The following DGKD variants were observed in gnomAD, a reference collection of about 807,000 sequenced individuals.
DGKD encodes DAG kinase delta.
DGKD carries 68 observed loss-of-function variants against 154.4 expected under a neutral mutation model. The ratio of observed to expected loss-of-function variants is 0.44; its 90% confidence interval spans 0.36 to 0.54. DGKD has a LOEUF of 0.54. Ranked by LOEUF, DGKD falls within the 20% of genes least tolerant of loss-of-function variation. The pLI, the probability that DGKD is intolerant of heterozygous loss-of-function variation, is 0.00. For synonymous variants in DGKD, 693 were observed against 638.0 expected, an observed-to-expected ratio of 1.09 and a Z score of -1.30; for missense variants, 1,343 against 1,593.6, an observed-to-expected ratio of 0.84 and a Z score of 2.68.
intron 3 of DGKD, among the ~76,000 whole-genome samples, chr2:233,430,365 A>G (rs1410915816): frequency 5.9e-5 from 9 of 152,236 alleles, no homozygotes; most frequent in African/African-American, 2.2e-4. Context: ...TGAGTCCTAT[A>G]CAGTGGAGTA....
At chr2:233,443,078 C>T (rs983185899) in intron 10 of DGKD, among the ~76,000 whole-genome samples, 1 of 152,122 alleles carries the variant, frequency 6.6e-6, no homozygotes, top group Non-Finnish European at 1.5e-5. Flanking sequence ...CTGAGCGCAC[C>T]CAAGCTTAAG....
chr2:233,464,597 C>G (rs1365609881), intron 27 of DGKD, among the ~76,000 whole-genome samples: 1 of 152,206 alleles, frequency 6.6e-6, no homozygotes, highest in Non-Finnish European at 1.5e-5. Context: ...CAGCCTCCCC[C>G]GAGGGTGGAG....
intron 7 of DGKD, among the ~76,000 whole-genome samples, chr2:233,437,118 A>G (rs1281495829): frequency 6.6e-6 from 1 of 152,206 alleles, no homozygotes; most frequent in Non-Finnish European, 1.5e-5. Context: ...GGTTGGGTAC[A>G]GGACTGTAGC....
chr2:233,463,422 C>T (rs1199341946), intron 26 of DGKD, among the ~76,000 whole-genome samples: 1 of 141,390 alleles, frequency 7.1e-6, no homozygotes, highest in Non-Finnish European at 1.5e-5. Context: ...TCTCCTCACT[C>T]CACGCATCTC....
At position 233,434,396 on chromosome 2, in the gene DGKD, G is replaced by C. The variant is rs781381899; in HGVS notation, c.365G>C (p.Arg122Thr). The C allele has an allele frequency of 3.1e-6, 5 of 1,613,976 alleles. No individual in the cohort carries two copies. Residue 122 changes from arginine to threonine, a missense_variant, in exon 4 of 30, where the codon AGG (arginine) becomes ACG (threonine). By Grantham distance (71) the Arg-to-Thr change is moderately conservative. Coordinates refer to ENST00000264057, the MANE Select transcript of DGKD (RefSeq NM_152879.3). ...TTTCTCTAGGTCATAACTCCATGCA[G>C]GAAGCTCATCTTGTGTGCTGATAAC... ...NNSFTVITPC[R>T]KLILCADNRK...
chr2:233,411,885 T>C (rs1267276859), intron 3 of DGKD, among the ~76,000 whole-genome samples: 1 of 152,238 alleles, frequency 6.6e-6, no homozygotes, highest in East Asian at 1.9e-4. Context: ...CCATTCCTCA[T>C]TTAATTACCT....
chr2:233,390,836 C>T (rs1226102817), intron 3 of DGKD, among the ~76,000 whole-genome samples: 4 of 152,156 alleles, frequency 2.6e-5, no homozygotes, highest in South Asian at 2.1e-4. Context: ...CGAGTTCAAG[C>T]GATTCTCCTG....
intron 3 of DGKD, among the ~76,000 whole-genome samples, chr2:233,408,044 G>GTTT (rs1293793281): frequency 5.5e-5 from 7 of 127,684 alleles, no homozygotes; most frequent in South Asian, 2.6e-4. Context: ...AGGAAAAACT[G>GTTT]TTTTTTTTTT....
At chr2:233,463,832 A>G (rs1309885005) in intron 26 of DGKD, 3 of 322,404 alleles carry the variant, frequency 9.3e-6, no homozygotes, top group Non-Finnish European at 1.8e-5. Flanking sequence ...TCGACTGCTG[A>G]CTTTGCTTCC....
intron 10 of DGKD, among the ~76,000 whole-genome samples, chr2:233,444,677 C>T (rs1042802670): frequency 2.7e-5 from 4 of 148,010 alleles, no homozygotes; most frequent in Non-Finnish European, 6.0e-5. Flanking sequence ...GTGTCCTGGC[C>T]TGCTCGCTCC....
intron 10 of DGKD, among the ~76,000 whole-genome samples, chr2:233,442,983 C>G (rs1034498086): frequency 6.6e-6 from 1 of 152,152 alleles, no homozygotes; most frequent in Non-Finnish European, 1.5e-5. Context: ...ATCTGTGTGT[C>G]GTTTTCCACT....
chr2:233,427,117 T>C (rs547451225), intron 3 of DGKD, among the ~76,000 whole-genome samples: 2 of 152,314 alleles, frequency 1.3e-5, no homozygotes, highest in East Asian at 3.9e-4. Context: ...GAGAAATGCA[T>C]CCACCATTTT....
intron 7 of DGKD, among the ~76,000 whole-genome samples, chr2:233,437,101 G>A (rs1184151469): frequency 2.6e-5 from 4 of 152,254 alleles, no homozygotes; most frequent in Non-Finnish European, 1.5e-5. Context: ...TGGTCGAAGG[G>A]CCAGAAGGTT....
chr2:233,374,189 T>C (rs932616090), intron 1 of DGKD, among the ~76,000 whole-genome samples: 2 of 151,990 alleles, frequency 1.3e-5, no homozygotes, highest in African/African-American at 4.8e-5. Context: ...TAGCTGGGAT[T>C]ACAGGTGCCT....
intron 1 of DGKD, among the ~76,000 whole-genome samples, chr2:233,355,468 C>A (rs1474615530): frequency 6.6e-6 from 1 of 152,232 alleles, no homozygotes; most frequent in African/African-American, 2.4e-5. Flanking sequence ...GGACAGGTGG[C>A]TGCGAGCAGG....
At chr2:233,369,165 A>T (rs1485366201) in intron 1 of DGKD, among the ~76,000 whole-genome samples, 1 of 152,112 alleles carries the variant, frequency 6.6e-6, no homozygotes, top group African/African-American at 2.4e-5. Flanking sequence ...GGAGGTTCTC[A>T]TCTGTAGGTT....
Position 233,384,632 on chromosome 2 carries a change from C to T in DGKD, c.157-3625C>T, listed in dbSNP as rs115434616. Among the ~76,000 whole-genome samples, 505 of 152,224 alleles carry T rather than the reference C, an allele frequency of 3.3e-3. 5 individuals are homozygous for T. The highest frequency in any genetic ancestry group is 0.011 in the African/African-American group (475 of 41,502). On this transcript the variant is annotated intron_variant, in intron 1 of 29. Coordinates refer to ENST00000264057, the MANE Select transcript of DGKD (RefSeq NM_152879.3). ...CCTGTCTCCTCCCCTTCGCCTCGGT[C>T]GATTCTCACATCTTTCTGAACATTC...
At chr2:233,407,494 G>A (rs541265312) in intron 3 of DGKD, among the ~76,000 whole-genome samples, 5 of 152,306 alleles carry the variant, frequency 3.3e-5, no homozygotes, top group East Asian at 1.9e-4. Flanking sequence ...GGCAGAGCAC[G>A]GTGGCTCATG....
At chr2:233,465,590 A>T (rs2063799982) in intron 27 of DGKD, among the ~76,000 whole-genome samples, 1 of 151,998 alleles carries the variant, frequency 6.6e-6, no homozygotes, top group Non-Finnish European at 1.5e-5. Context: ...TGTCTCTATT[A>T]AAAAAAAATT....
Sources: gnomAD v4.1 joint callset for allele counts (sites outside exome capture counted in the v4.1 genomes callset) on GRCh38, gnomAD v4.1.1 for gene constraint, MANE v1.5 for transcripts, NCBI Gene and HGNC (gene_info 2026-07-23, HGNC 2026-07-21) for gene names.